SMIM27: variants seen among roughly 807,000 people sequenced by gnomAD.
SMIM27 encodes the protein transition zone microprotein 1.
Under a neutral mutation model 1.8 loss-of-function variants are expected in SMIM27, and 3 were observed. That is an observed-to-expected ratio of 1.65 (90% CI 0.75 to 4.28). The LOEUF (loss-of-function observed/expected upper bound fraction) is 4.28, where lower values mean the gene tolerates loss of function less well. SMIM27 is among the 30% of genes most tolerant of loss of function. The pLI, the probability that SMIM27 is intolerant of heterozygous loss-of-function variation, is 0.02. For synonymous variants in SMIM27, 19 were observed against 13.9 expected, an observed-to-expected ratio of 1.37 and a Z score of -0.82; for missense variants, 63 against 37.0, an observed-to-expected ratio of 1.70 and a Z score of -1.83.
chr9:32,552,424 G>T lies in SMIM27; in HGVS notation c.-11G>T. The T allele has an allele frequency of 6.2e-7, 1 of 1,609,394 alleles. No individual in the cohort carries two copies. Among genetic ancestry groups the T allele is most frequent in the Non-Finnish European group, 8.5e-7 (1 of 1,178,298 alleles). ...CCGCCAGCTCCCGCGGACTGCTGCCGCCTCCTTACCATGAAGCCAGTAAGT... is the reference window on the plus strand; with the variant it reads ...CCGCCAGCTCCCGCGGACTGCTGCCTCCTCCTTACCATGAAGCCAGTAAGT... On this transcript the variant is annotated 5_prime_UTR_variant, in exon 1 of 2. Coordinates refer to ENST00000692500, the MANE Select transcript of SMIM27 (RefSeq NM_001387564.1).
chr9:32,553,727 C>T (rs1309590208), downstream of SMIM27: 3 of 587,488 alleles, frequency 5.1e-6, no homozygotes, highest in African/African-American at 1.9e-5. Flanking sequence ...TGTTAAATTA[C>T]TCAGTCTCAA....
upstream of SMIM27, chr9:32,551,159 C>A: frequency 1.5e-6 from 1 of 688,230 alleles, no homozygotes; most frequent in Non-Finnish European, 2.5e-6. Context: ...CGCTCCAGAC[C>A]CCGGAGGAGG....
At chr9:32,560,735 G>A (rs1287338596) in intron 1 of SMIM27, among the ~76,000 whole-genome samples, 3 of 152,154 alleles carry the variant, frequency 2.0e-5, no homozygotes, top group African/African-American at 7.2e-5. Flanking sequence ...AGCTATGTTT[G>A]TAAATGGAAT....
chr9:32,556,335 A>G (rs1051802220), downstream of SMIM27, among the ~76,000 whole-genome samples: 22 of 152,200 alleles, frequency 1.4e-4, no homozygotes, highest in African/African-American at 5.1e-4. Flanking sequence ...CTAAGCTTAG[A>G]TCCTAAAAAT....
chr9:32,566,095 A>G (rs1821779724), intron 1 of SMIM27: 3 of 464,976 alleles, frequency 6.5e-6, no homozygotes, highest in Non-Finnish European at 1.2e-5. Flanking sequence ...GCACCTGTTA[A>G]AATTATGCCC....
chr9:32,553,573 T>C, downstream of SMIM27: 1 of 295,246 alleles, frequency 3.4e-6, no homozygotes, highest in Non-Finnish European at 6.4e-6. Flanking sequence ...CATACCCTGA[T>C]ACCAAATTAG....
downstream of SMIM27, among the ~76,000 whole-genome samples, chr9:32,557,282 A>G (rs1293502669): frequency 1.4e-5 from 2 of 148,118 alleles, no homozygotes; most frequent in Non-Finnish European, 3.0e-5. Context: ...CTTGTGCCTC[A>G]GCCTCCAGGT....
At chr9:32,559,609 C>G (rs1278561292) in intron 1 of SMIM27, among the ~76,000 whole-genome samples, 1 of 152,144 alleles carries the variant, frequency 6.6e-6, no homozygotes, top group Non-Finnish European at 1.5e-5. Context: ...ATTCCTCTAC[C>G]TGAAATGCTC....
At chr9:32,553,886 T>C (rs139878766), downstream of SMIM27, 5 of 1,587,470 alleles carry the variant, frequency 3.1e-6, no homozygotes, top group Non-Finnish European at 4.3e-6. Context: ...TTAATGATGT[T>C]GATCAGGAAA....
At chr9:32,558,909 C>A in intron 1 of SMIM27, 1 of 1,571,664 alleles carries the variant, frequency 6.4e-7, no homozygotes, top group Non-Finnish European at 8.7e-7. Context: ...TTAAGACTTA[C>A]AGGGAATATT....
intron 1 of SMIM27, chr9:32,558,991 TAA>T (rs1340131104): frequency 1.4e-6 from 2 of 1,450,694 alleles, no homozygotes; most frequent in African/African-American, 1.4e-5. Flanking sequence ...ATTATGGTGT[TAA>T]GAGTTTCTTC....
exon 2 of SMIM27, chr9:32,566,407 A>T: frequency 1.1e-6 from 1 of 903,990 alleles, no homozygotes; most frequent in South Asian, 1.3e-5. Context: ...GGTCCAGAAG[A>T]GGAGCCTGCT....
At chr9:32,562,904 T>C (rs1164431241) in intron 1 of SMIM27, among the ~76,000 whole-genome samples, 7 of 152,240 alleles carry the variant, frequency 4.6e-5, no homozygotes, top group Non-Finnish European at 8.8e-5. Context: ...AATGCAATTA[T>C]GCCTATTAAT....
chr9:32,552,701 G>T (rs764418217), intron 1 of SMIM27, 100 bp from the exon 2 acceptor site: 1 of 657,918 alleles, frequency 1.5e-6, no homozygotes, highest in Non-Finnish European at 2.8e-6. Context: ...ATTCGACTTT[G>T]TTACTTTAAT....
At chr9:32,563,504 T>TTTTTTTTTTTTTTTTTTTG (rs74178817) in intron 1 of SMIM27, among the ~76,000 whole-genome samples, 1 of 148,768 alleles carries the variant, frequency 6.7e-6, no homozygotes, top group African/African-American at 2.5e-5. Context: ...TTTTTTTTTT[T>TTTTTTTTTTTTTTTTTTTG]GGAGGGATGG....
chr9:32,566,572 G>A (rs556352577), exon 2 of SMIM27: 1 of 782,090 alleles, frequency 1.3e-6, no homozygotes, highest in East Asian at 2.4e-5. Flanking sequence ...ACAGACTGGA[G>A]CTTCTGGCAC....
intron 1 of SMIM27, among the ~76,000 whole-genome samples, chr9:32,562,654 T>C (rs1446568840): frequency 6.6e-6 from 1 of 152,204 alleles, no homozygotes; most frequent in African/African-American, 2.4e-5. Context: ...ATTACTCTAG[T>C]ATACTTCCTA....
downstream of SMIM27, among the ~76,000 whole-genome samples, chr9:32,556,810 A>G (rs1252483210): frequency 6.6e-6 from 1 of 151,660 alleles, no homozygotes; most frequent in African/African-American, 2.4e-5. Flanking sequence ...AACACACATC[A>G]ATGTTACACA....
intron 1 of SMIM27, chr9:32,566,248 C>A: frequency 9.8e-7 from 1 of 1,017,558 alleles, no homozygotes; most frequent in Non-Finnish European, 1.6e-6. Context: ...TTTCTTATGG[C>A]AGACAACACT....
Sources: allele counts gnomAD v4.1 joint callset (sites outside exome capture counted in the v4.1 genomes callset), GRCh38; gene constraint gnomAD v4.1.1; transcripts MANE v1.5; gene names NCBI Gene and HGNC (gene_info 2026-07-23, HGNC 2026-07-21).